The following HMG20A variants were observed in gnomAD, a reference collection of about 807,000 sequenced individuals.
HMG20A encodes the protein high mobility group 20A.
HMG20A carries 17 observed loss-of-function variants against 43.9 expected under a neutral mutation model. The observed-to-expected ratio is 0.39, with a 90% CI of 0.27 to 0.58. The LOEUF is 0.58. Ranked by LOEUF, HMG20A falls within the 20% of genes least tolerant of loss-of-function variation. The pLI is 0.59. For missense variants in HMG20A, 341 were observed against 438.2 expected, an observed-to-expected ratio of 0.78 and a Z score of 1.98; for synonymous variants, 132 against 147.5, an observed-to-expected ratio of 0.89 and a Z score of 0.76.
intron 1 of HMG20A, among the ~76,000 whole-genome samples, chr15:77,441,314 T>C (rs2073610465): frequency 6.6e-6 from 1 of 152,158 alleles, no homozygotes; most frequent in South Asian, 2.1e-4. Flanking sequence ...AATTCAGAAG[T>C]GCATACCATG....
At chr15:77,458,229 C>G in intron 1 of HMG20A, 175 bp from the exon 2 acceptor site, 1 of 496,850 alleles carries the variant, frequency 2.0e-6, no homozygotes, top group South Asian at 2.4e-5. Context: ...GGTTAAAAGG[C>G]CCATTTACCA....
chr15:77,465,281 A>G (rs1595926349), intron 3 of HMG20A, among the ~76,000 whole-genome samples: 1 of 150,362 alleles, frequency 6.7e-6, no homozygotes, highest in African/African-American at 2.4e-5. Flanking sequence ...AAAAAAAAAA[A>G]AAAAGAAAGA....
intron 1 of HMG20A, among the ~76,000 whole-genome samples, chr15:77,450,938 GTCA>G (rs1041937237): frequency 4.6e-5 from 7 of 152,094 alleles, no homozygotes; most frequent in African/African-American, 1.7e-4. Flanking sequence ...TTCCTCTTGG[GTCA>G]TCAAGTGGGC....
chr15:77,466,983 T>G (rs112126566), intron 3 of HMG20A, 112 bp from the exon 4 acceptor site: 18 of 848,022 alleles, frequency 2.1e-5, no homozygotes, highest in African/African-American at 2.0e-4. Flanking sequence ...AGGGCCAAAT[T>G]GCAACTCTTA....
chr15:77,486,627 T>C (rs1222843693), downstream of HMG20A, among the ~76,000 whole-genome samples: 1 of 152,248 alleles, frequency 6.6e-6, no homozygotes, highest in Non-Finnish European at 1.5e-5. Flanking sequence ...ATTTCTACTA[T>C]GCTTTTAAAA....
chr15:77,512,367 T>C, the HMG20A span, among the ~76,000 whole-genome samples: 2 of 152,124 alleles, frequency 1.3e-5, no homozygotes, highest in African/African-American at 4.8e-5. Flanking sequence ...TTAATGCCAT[T>C]GAATGGTACA....
the HMG20A span, among the ~76,000 whole-genome samples, chr15:77,513,207 G>C: frequency 6.6e-6 from 1 of 152,188 alleles, no homozygotes; most frequent in African/African-American, 2.4e-5. Flanking sequence ...ACGGGAGTAA[G>C]AGAGCATCCT....
At chr15:77,510,391 C>T in the HMG20A span, among the ~76,000 whole-genome samples, 232 of 152,318 alleles carry the variant, frequency 1.5e-3, no homozygotes, top group Non-Finnish European at 2.5e-3. Flanking sequence ...GTGGAAGCCA[C>T]AGTAGCAAGC....
the HMG20A span, among the ~76,000 whole-genome samples, chr15:77,495,284 A>C: frequency 2.0e-5 from 3 of 152,238 alleles, no homozygotes; most frequent in African/African-American, 7.2e-5. Flanking sequence ...GTGGTGGCTC[A>C]CGCCTGAAAT....
At chr15:77,437,895 GTAAAGA>G (rs2073566654) in intron 1 of HMG20A, among the ~76,000 whole-genome samples, 1 of 152,022 alleles carries the variant, frequency 6.6e-6, no homozygotes, top group African/African-American at 2.4e-5. Flanking sequence ...CTCTTTAAAA[GTAAAGA>G]TAGAGAGTTC....
the HMG20A span, among the ~76,000 whole-genome samples, chr15:77,502,965 G>T: frequency 8.5e-5 from 13 of 152,150 alleles, no homozygotes; most frequent in African/African-American, 2.9e-4. Flanking sequence ...AAGCCCTGTC[G>T]CAAAAACAAA....
the HMG20A span, among the ~76,000 whole-genome samples, chr15:77,512,355 C>T: frequency 1.5e-3 from 230 of 152,050 alleles, 2 homozygotes; most frequent in African/African-American, 5.3e-3. Context: ...ATGAGAATGT[C>T]CTTAATGCCA....
At chr15:77,424,763 A>T (rs1416807077) in intron 1 of HMG20A, among the ~76,000 whole-genome samples, 1 of 152,160 alleles carries the variant, frequency 6.6e-6, no homozygotes, top group Non-Finnish European at 1.5e-5. Flanking sequence ...TGATTAGAAG[A>T]TATACAAAAT....
At chr15:77,458,217 A>G (rs1284355606) in intron 1 of HMG20A, 187 bp from the exon 2 acceptor site, 2 of 470,632 alleles carry the variant, frequency 4.2e-6, no homozygotes, top group East Asian at 3.8e-5. Flanking sequence ...TGATAAGACC[A>G]AGGTTAAAAG....
intron 1 of HMG20A, among the ~76,000 whole-genome samples, chr15:77,427,040 A>G (rs1024879071): frequency 6.6e-6 from 1 of 152,126 alleles, no homozygotes; most frequent in African/African-American, 2.4e-5. Context: ...GATGTGGTAT[A>G]TGGTCTTTTT....
At chr15:77,499,202 A>G in the HMG20A span, among the ~76,000 whole-genome samples, 4 of 152,102 alleles carry the variant, frequency 2.6e-5, no homozygotes, top group African/African-American at 9.7e-5. Flanking sequence ...GGATGCTCAA[A>G]CATCATCTGG....
chr15:77,464,926 A>G (rs1342672737), intron 3 of HMG20A: 2 of 151,846 alleles, frequency 1.3e-5, no homozygotes, highest in African/African-American at 4.8e-5. Flanking sequence ...TTTTTAAGCC[A>G]ATAAAGAGTG....
intron 1 of HMG20A, among the ~76,000 whole-genome samples, chr15:77,447,196 C>T (rs1449738549): frequency 6.6e-6 from 1 of 152,150 alleles, no homozygotes; most frequent in African/African-American, 2.4e-5. Context: ...AAAAGCAGTG[C>T]TTAGATTGCC....
intron 1 of HMG20A, among the ~76,000 whole-genome samples, chr15:77,441,551 TC>T (rs2073613169): frequency 6.6e-6 from 1 of 152,156 alleles, no homozygotes; most frequent in Non-Finnish European, 1.5e-5. Context: ...CATTTAGTGA[TC>T]CCAGAAACCA....
Sources: gnomAD v4.1 joint callset for allele counts (sites outside exome capture counted in the v4.1 genomes callset) on GRCh38, gnomAD v4.1.1 for gene constraint, MANE v1.5 for transcripts, NCBI Gene and HGNC (gene_info 2026-07-23, HGNC 2026-07-21) for gene names.